Variants in NEK3 observed in about 807,000 individuals in gnomAD.
NEK3 encodes the protein serine/threonine-protein kinase Nek3.
In NEK3, 54 loss-of-function variants were observed where a neutral mutation model predicts 66.0. That is an observed-to-expected ratio of 0.82 (90% CI 0.66 to 1.03). NEK3 has a LOEUF of 1.03. NEK3 is among the 50% of genes least tolerant of loss of function. The pLI is 0.00. For synonymous variants in NEK3, 200 were observed against 206.2 expected, an observed-to-expected ratio of 0.97 and a Z score of 0.26; for missense variants, 593 against 603.0, an observed-to-expected ratio of 0.98 and a Z score of 0.17.
intron 1 of NEK3, chr13:52,157,257 G>C (rs1329203224): frequency 6.6e-6 from 1 of 152,226 alleles, no homozygotes; most frequent in Non-Finnish European, 1.5e-5. Context: ...CAGAGACACA[G>C]GCCAGTTAGG....
At chr13:52,142,279 C>CT (rs1318424547) in intron 10 of NEK3, among the ~76,000 whole-genome samples, 5,953 of 143,074 alleles carry the variant, frequency 0.042, 128 homozygotes, top group East Asian at 0.069. Flanking sequence ...CTGGCTATCT[C>CT]TTTTTTTTTT....
chr13:52,133,554 A>C, intron 15 of NEK3, 135 bp downstream of exon 15: 1 of 1,193,558 alleles, frequency 8.4e-7, no homozygotes, highest in Non-Finnish European at 1.1e-6. Flanking sequence ...ATATCCATTT[A>C]TGATGAAAAG....
At chr13:52,140,307 C>T (rs182042555) in intron 11 of NEK3, among the ~76,000 whole-genome samples, 1 of 151,038 alleles carries the variant, frequency 6.6e-6, no homozygotes. Context: ...AAACCACTAT[C>T]ATCAATAATC....
intron 8 of NEK3, 91 bp downstream of exon 8, chr13:52,148,324 G>A (rs1956311122): frequency 8.1e-7 from 1 of 1,230,914 alleles, no homozygotes; most frequent in Non-Finnish European, 1.2e-6. Flanking sequence ...CTTCATCCTA[G>A]GGAAGCAAAC....
Position 52,136,885 on chromosome 13 carries a change from ATCTTGTTCTTCC to A in NEK3, c.933_944del (p.Glu311_Gln314del). 1.9e-6 allele frequency: 3 copies of A among 1,566,442 alleles called. No individual in the cohort carries two copies. Among genetic ancestry groups the A allele is most frequent in the Non-Finnish European group, 2.6e-6 (3 of 1,154,614 alleles). On this transcript the variant is annotated inframe_deletion, in exon 12 of 16. Transcript: ENST00000610828. The stretch of plus-strand genomic sequence containing the variant: ...CCAAATCAGTATGGCTACCCTTTCT[ATCTTGTTCTTCC>A]TCTTGCTTTAAAAGAGATTAACAAT...
Position 52,133,793 on chromosome 13 carries a change from G to C in NEK3, c.1332C>G (p.Gly444=). Residue 444 remains glycine (G), a synonymous_variant, in exon 15 of 16, where the codon GGC becomes GGG. Coordinates refer to ENST00000610828, the MANE Select transcript of NEK3 (RefSeq NM_002498.3). ...YRPGSEGFLK[G]PLSEETEASD... ...ATGCTTCTGTTTCTTCAGACAGGGGGCCTTTCAAGAACCCTTCTGAACCTT... is the reference window on the plus strand; with the variant it reads ...ATGCTTCTGTTTCTTCAGACAGGGGCCCTTTCAAGAACCCTTCTGAACCTT... 6.3e-7 allele frequency: 1 copy of C among 1,599,104 alleles called. No homozygotes were observed. Among genetic ancestry groups the C allele is most frequent in the South Asian group, 1.1e-5 (1 of 88,308 alleles).
At chr13:52,155,948 T>G (rs1273384410) in intron 2 of NEK3, 127 bp downstream of exon 2, 1 of 529,382 alleles carries the variant, frequency 1.9e-6, no homozygotes, top group Non-Finnish European at 3.3e-6. Context: ...CCTCAGGTGA[T>G]CTACCCGCCT....
At chr13:52,154,371 A>ACC (rs1956373976) in intron 2 of NEK3, among the ~76,000 whole-genome samples, 198 bp from the exon 3 acceptor site, 1 of 152,102 alleles carries the variant, frequency 6.6e-6, no homozygotes. Context: ...GCTTGAGCTG[A>ACC]CCCCTTCATT....
In NEK3 at chr13:52,133,072, A is replaced by G; in HGVS notation, c.*70T>C. ...AGGAAAATATACGTCGCATGAACTC[A>G]TGATCATCTCAGCATGAACTCCTGA... On this transcript the variant is annotated 3_prime_UTR_variant, in exon 16 of 16. Transcript: ENST00000610828. 1 of 1,220,102 alleles carries G rather than the reference A, an allele frequency of 8.2e-7. No homozygotes were observed. The allele number at this position is 1,220,102 out of a possible 1,614,324, so 75.6% of individuals were successfully genotyped here.
At chr13:52,134,609 G>A (rs753522975) in intron 14 of NEK3, among the ~76,000 whole-genome samples, 6 of 152,100 alleles carry the variant, frequency 3.9e-5, no homozygotes, top group Admixed American at 1.3e-4. Flanking sequence ...AACATGGGCC[G>A]AATCTTCTAA....
intron 15 of NEK3, 130 bp from the exon 16 acceptor site, chr13:52,133,356 G>A (rs940020433): frequency 9.3e-6 from 7 of 750,444 alleles, no homozygotes; most frequent in Admixed American, 8.6e-5. Context: ...GCAACTGAAG[G>A]GAAAAAATTG....
At chr13:52,153,629 A>G (rs1308047596) in intron 4 of NEK3, among the ~76,000 whole-genome samples, 1 of 152,132 alleles carries the variant, frequency 6.6e-6, no homozygotes, top group African/African-American at 2.4e-5. Context: ...TCTAGTACAA[A>G]ATTTGGTGAT....
At chr13:52,139,878 G>A (rs954095960) in intron 11 of NEK3, among the ~76,000 whole-genome samples, 2 of 151,932 alleles carry the variant, frequency 1.3e-5, no homozygotes, top group African/African-American at 4.8e-5. Context: ...CAGCCTGGGT[G>A]GCAGAGGGAG....
At chr13:52,141,137 A>ATGATT (rs1181657998) in intron 10 of NEK3, 68 bp from the exon 11 acceptor site, 1 of 1,397,168 alleles carries the variant, frequency 7.2e-7, no homozygotes, top group East Asian at 2.5e-5. Context: ...AGTTCCTAAT[A>ATGATT]TGATTTTCAT....
intron 14 of NEK3, 66 bp from the exon 15 acceptor site, chr13:52,133,881 T>C: frequency 1.3e-6 from 2 of 1,495,238 alleles, no homozygotes; most frequent in African/African-American, 2.8e-5. Context: ...TGCAGTTTGA[T>C]TAAAATCCTC....
chr13:52,157,851 T>C (rs1956407841), intron 1 of NEK3, among the ~76,000 whole-genome samples: 2 of 152,206 alleles, frequency 1.3e-5, no homozygotes, highest in Non-Finnish European at 2.9e-5. Context: ...TGTAATGAAT[T>C]TACTTGATTT....
At chr13:52,151,571 G>GA (rs1181618234) in intron 5 of NEK3, among the ~76,000 whole-genome samples, 179 bp from the exon 6 acceptor site, 3 of 152,170 alleles carry the variant, frequency 2.0e-5, no homozygotes, top group Non-Finnish European at 4.4e-5. Context: ...CCCCTGCATG[G>GA]AAACTCAGGA....
intron 10 of NEK3, among the ~76,000 whole-genome samples, chr13:52,141,483 C>T (rs1233316823): frequency 6.6e-6 from 1 of 152,154 alleles, no homozygotes; most frequent in Non-Finnish European, 1.5e-5. Context: ...TGTTTATTAA[C>T]TCAGAAGAGA....
At position 52,136,717 on chromosome 13, in the gene NEK3, T is replaced by C. The variant is rs1286226177; in HGVS notation, c.1030+83A>G. ...ACAAATATCAGCTTGTACTCTTGTT[T>C]ATGATATCTGAGACCTAGTAACATA... On this transcript the variant is annotated intron_variant, in intron 12 of 15. Coordinates refer to ENST00000610828, the MANE Select transcript of NEK3 (RefSeq NM_002498.3). 4.1e-6 allele frequency: 3 copies of C among 739,608 alleles called. No individual in the cohort carries two copies. The East Asian group carries it at 8.7e-5, about 21-fold the overall frequency. The allele number at this position is 739,608 out of a possible 1,614,324, so 45.8% of individuals were successfully genotyped here.
Sources: allele counts gnomAD v4.1 joint callset (sites outside exome capture counted in the v4.1 genomes callset), GRCh38; gene constraint gnomAD v4.1.1; transcripts MANE v1.5; gene names NCBI Gene and HGNC (gene_info 2026-07-23, HGNC 2026-07-21).